Variants in MED12L observed in about 807,000 individuals in gnomAD.
The protein encoded by MED12L is mediator of RNA polymerase II transcription subunit 12-like protein.
MED12L carries 60 observed loss-of-function variants against 281.3 expected under a neutral mutation model. The observed-to-expected ratio is 0.21, with a 90% CI of 0.17 to 0.26. The LOEUF (loss-of-function observed/expected upper bound fraction) is 0.26, where lower values mean the gene tolerates loss of function less well. MED12L is among the 10% of genes least tolerant of loss of function. The probability of loss-of-function intolerance (pLI) is 1.00; values close to 1 mark genes in which losing one functional copy is unlikely to be tolerated. For missense variants in MED12L, 2,146 were observed against 2,680.9 expected (o/e 0.80, Z 4.41); for synonymous variants, 974 against 987.2 (o/e 0.99, Z 0.25).
chr3:151,190,296 C>T (rs1292444662), intron 13 of MED12L, among the ~76,000 whole-genome samples: 1 of 151,896 alleles, frequency 6.6e-6, no homozygotes, highest in Non-Finnish European at 1.5e-5. Flanking sequence ...CTCAGCCTCC[C>T]GAGTAGCTGG....
intron 16 of MED12L, chr3:151,294,312 T>C: frequency 1.9e-6 from 3 of 1,614,176 alleles, no homozygotes; most frequent in Non-Finnish European, 2.5e-6. Context: ...AAGTAAATTA[T>C]TGGATCCAGG....
At chr3:151,155,123 T>C (rs892769074) in intron 5 of MED12L, among the ~76,000 whole-genome samples, 1 of 152,262 alleles carries the variant, frequency 6.6e-6, no homozygotes, top group Non-Finnish European at 1.5e-5. Flanking sequence ...TAGTTTCTAC[T>C]CTTTCTTTTG....
intron 2 of MED12L, among the ~76,000 whole-genome samples, chr3:151,108,466 C>G (rs1576741923): frequency 6.6e-6 from 1 of 152,114 alleles, no homozygotes; most frequent in African/African-American, 2.4e-5. Flanking sequence ...GTTTCCCAAA[C>G]TGGGGTTTAC....
chr3:151,214,261 A>G lies in MED12L; in HGVS notation c.2250+20595A>G. The G allele has an allele frequency of 2.5e-6, 4 of 1,614,058 alleles. No homozygotes were observed. Among genetic ancestry groups the G allele is most frequent in the Non-Finnish European group, 2.5e-6 (3 of 1,179,942 alleles). On this transcript the variant is annotated intron_variant, in intron 16 of 44. Transcript: ENST00000687756. ...CACAGGAATGATCTGCTGAGTGATC[A>G]GGAGGTTCTGAGAGCAGGATTCATC...
At chr3:151,422,819 CTTTTTT>C (rs34923048) in intron 43 of MED12L, among the ~76,000 whole-genome samples, 4 of 131,020 alleles carry the variant, frequency 3.1e-5, no homozygotes, top group African/African-American at 1.1e-4. Flanking sequence ...TGATTCATTG[CTTTTTT>C]TTTTTTTTTT....
chr3:151,108,832 C>A (rs1711498774), intron 2 of MED12L, among the ~76,000 whole-genome samples: 2 of 152,092 alleles, frequency 1.3e-5, no homozygotes, highest in African/African-American at 4.8e-5. Flanking sequence ...TTGAGATGGC[C>A]ATTGAAAATT....
chr3:151,094,515 G>A (rs1048235293), intron 2 of MED12L, among the ~76,000 whole-genome samples: 13 of 152,184 alleles, frequency 8.5e-5, no homozygotes, highest in African/African-American at 2.2e-4. Context: ...AGGGAGCATG[G>A]AAACACTTGG....
At chr3:151,303,123 A>G (rs1577279730) in intron 16 of MED12L, among the ~76,000 whole-genome samples, 2 of 152,196 alleles carry the variant, frequency 1.3e-5, no homozygotes, top group African/African-American at 2.4e-5. Flanking sequence ...ATGGAGATAT[A>G]TGACAAAATA....
chr3:151,259,142 G>A (rs1738396249), intron 16 of MED12L, among the ~76,000 whole-genome samples: 1 of 152,174 alleles, frequency 6.6e-6, no homozygotes, highest in Non-Finnish European at 1.5e-5. Context: ...GTTCACCTAA[G>A]GTGGTGCCTC....
At chr3:151,411,851 T>C (rs1312911022) in intron 41 of MED12L, among the ~76,000 whole-genome samples, 2 of 152,222 alleles carry the variant, frequency 1.3e-5, no homozygotes, top group Non-Finnish European at 2.9e-5. Context: ...AACTCTTGAT[T>C]ATTGTTAGGA....
chr3:151,358,487 C>T (rs1356513046), intron 20 of MED12L, among the ~76,000 whole-genome samples: 1 of 152,046 alleles, frequency 6.6e-6, no homozygotes, highest in Non-Finnish European at 1.5e-5. Flanking sequence ...GCTGTTTAAT[C>T]TATGTTCTAC....
At chr3:151,164,102 C>CAGTG (rs908232827) in intron 9 of MED12L, 60 bp downstream of exon 9, 2 of 1,571,812 alleles carry the variant, frequency 1.3e-6, no homozygotes, top group African/African-American at 2.7e-5. Context: ...CATCAGGGCA[C>CAGTG]AGTGGGTCAA....
chr3:151,101,466 G>A (rs943525429), intron 2 of MED12L, among the ~76,000 whole-genome samples: 1 of 152,156 alleles, frequency 6.6e-6, no homozygotes, highest in Admixed American at 6.5e-5. Context: ...CTGAGCCCAT[G>A]CTGTAAACAT....
Position 151,385,051 on chromosome 3 carries a change from T to A in MED12L, c.4948T>A (p.Ser1650Thr), listed in dbSNP as rs1339373827. 1 of 1,578,910 alleles carries A rather than the reference T, an allele frequency of 6.3e-7. No homozygotes were observed. Among genetic ancestry groups the A allele is most frequent in the African/African-American group, 1.3e-5 (1 of 74,250 alleles). ...TTAGAAAGAGCTAGGAGACAAGCGATCAGAAAGTATTGACAAAGTTCGACA... is the reference window on the plus strand; with the variant it reads ...TTAGAAAGAGCTAGGAGACAAGCGAACAGAAAGTATTGACAAAGTTCGACA... ...KLKKELGDKR[S>T]ESIDKVRQLL... Residue 1650 changes from serine to threonine, a missense_variant, in exon 36 of 45, where the codon TCA (serine) becomes ACA (threonine). Physicochemically the swap from Ser to Thr is moderately conservative, Grantham distance 58. This residue lies in a region of MED12L where 212 missense variants were observed against 340.8 expected (regional missense o/e 0.62). Coordinates refer to ENST00000687756, the MANE Select transcript of MED12L (RefSeq NM_001393769.1).
intron 2 of MED12L, among the ~76,000 whole-genome samples, chr3:151,102,325 G>C (rs1207251073): frequency 6.6e-6 from 1 of 152,132 alleles, no homozygotes; most frequent in Non-Finnish European, 1.5e-5. Flanking sequence ...AATAAAAAGG[G>C]TGGAGGCTGA....
rs201243430 is a variant in MED12L, at chr3:151,388,189, A to C, written c.5451+17A>C. On this transcript the variant is annotated intron_variant, in intron 37 of 44. Coordinates refer to ENST00000687756, the MANE Select transcript of MED12L (RefSeq NM_001393769.1). ...AGAGTTGATGTAAGTGGGGAAAGGA[A>C]GGAGAACCTTGGCTCATTAGCATTT... 4.4e-4 allele frequency: 689 copies of C among 1,578,592 alleles called. No individual in the cohort carries two copies. Among genetic ancestry groups the C allele is most frequent in the Non-Finnish European group, 5.6e-4 (650 of 1,168,788 alleles).
rs555192851 is a variant in MED12L, at chr3:151,206,586, T to C, written c.2250+12920T>C. Among the ~76,000 whole-genome samples, 354 of 151,868 alleles carry C rather than the reference T, an allele frequency of 2.3e-3. 7 individuals carry two copies. The South Asian group carries it at 0.057, about 24-fold the overall frequency. ...TAGTCACTGAATTTCATGCTTTTTT[T>C]CCCCCATTTGTTTGTTTATGGTCCA... On this transcript the variant is annotated intron_variant, in intron 16 of 44. Transcript: ENST00000687756.
Position 151,411,436 on chromosome 3 carries a change from T to G in MED12L, c.6069T>G (p.Ile2023Met), listed in dbSNP as rs770612051. ...TGCTAATGGAAAGACTCAGACAGAT[T>G]CAGCAGCAGCCGAGTGGCTATGTTC... ...NPVLMERLRQ[I>M]QQQPSGYVQQ... is the part of the protein sequence containing the mutation. The change falls in exon 41 of 45, where the codon ATT becomes ATG. Residue 2023 changes from isoleucine to methionine, a missense_variant. Transcript: ENST00000687756. 3.7e-6 allele frequency: 6 copies of G among 1,614,144 alleles called. No individual in the cohort carries two copies. Among genetic ancestry groups the G allele is most frequent in the Non-Finnish European group, 5.1e-6 (6 of 1,180,022 alleles).
In MED12L at chr3:151,434,610, G is replaced by A. The variant is rs1432061610; in HGVS notation, c.*1806G>A. 6.6e-6 allele frequency: 1 copy of A among 152,164 alleles called. No individual in the cohort carries two copies. Among genetic ancestry groups the A allele is most frequent in the African/African-American group, 2.4e-5 (1 of 41,430 alleles). 9.4% of individuals were successfully genotyped at this position (152,164 alleles called of 1,614,324 possible). On this transcript the variant is annotated 3_prime_UTR_variant, in exon 45 of 45. Transcript: ENST00000687756. ...AAACATACTTAGATAAGCTAATGAA[G>A]TTGTTTTCTTCAAAGTAATATATCT...
Sources: gnomAD v4.1 joint callset for allele counts (sites outside exome capture counted in the v4.1 genomes callset) on GRCh38, gnomAD v4.1.1 for gene constraint, gnomAD v4.1.1 regional missense constraint, MANE v1.5 for transcripts, NCBI Gene and HGNC (gene_info 2026-07-23, HGNC 2026-07-21) for gene names.